Variants in ZC3H12B observed in about 807,000 individuals in gnomAD.
The protein encoded by ZC3H12B is probable ribonuclease ZC3H12B.
A neutral mutation model predicts 43.9 loss-of-function variants in ZC3H12B; 7 were observed. That is an observed-to-expected ratio of 0.16 (90% CI 0.09 to 0.30). The LOEUF is 0.30. Among genes scored for constraint, ZC3H12B ranks in the 10% least tolerant of loss-of-function variants. The pLI, the probability that ZC3H12B is intolerant of heterozygous loss-of-function variation, is 1.00. For missense variants in ZC3H12B, 475 were observed against 670.2 expected (o/e 0.71, Z 3.22); for synonymous variants, 222 against 241.7 (o/e 0.92, Z 0.76).
the ZC3H12B span, among the ~76,000 whole-genome samples, chrX:65,190,703 G>C: frequency 9.1e-6 from 1 of 109,793 alleles, no homozygotes; most frequent in Non-Finnish European, 1.9e-5. Context: ...TTTGGGCTGA[G>C]ACAATGGGGT....
the ZC3H12B span, among the ~76,000 whole-genome samples, chrX:65,355,707 A>G: frequency 8.9e-6 from 1 of 111,862 alleles, no homozygotes; most frequent in Non-Finnish European, 1.9e-5. Context: ...GCATGGTGGA[A>G]CATGCCTGTA....
At chrX:65,381,551 A>G (rs2066440037) in intron 2 of ZC3H12B, among the ~76,000 whole-genome samples, 1 of 111,556 alleles carries the variant, frequency 9.0e-6, no homozygotes, top group Non-Finnish European at 1.9e-5. Context: ...GAACTAGAAA[A>G]GCAAGAGCAA....
chrX:65,118,896 G>A, the ZC3H12B span, among the ~76,000 whole-genome samples: 5 of 105,175 alleles, frequency 4.8e-5, no homozygotes, highest in East Asian at 9.2e-4. Context: ...GAGAACATGC[G>A]GTGTTTGGTT....
the ZC3H12B span, among the ~76,000 whole-genome samples, chrX:65,044,447 A>G: frequency 1.8e-5 from 2 of 111,612 alleles, no homozygotes; most frequent in Admixed American, 1.9e-4. Context: ...GGAATTTGGG[A>G]TTTTATTCTA....
chrX:65,231,771 T>C, the ZC3H12B span, among the ~76,000 whole-genome samples: 12 of 111,790 alleles, frequency 1.1e-4, no homozygotes, highest in Admixed American at 4.8e-4. Context: ...TCTGTTCTTT[T>C]TCAGAGTTCA....
chrX:65,276,478 C>T, the ZC3H12B span, among the ~76,000 whole-genome samples: 9 of 111,216 alleles, frequency 8.1e-5, no homozygotes, highest in Admixed American at 1.9e-4. Context: ...AAGGGAATCT[C>T]CATTAGACTA....
intron 2 of ZC3H12B, among the ~76,000 whole-genome samples, chrX:65,374,138 T>C (rs1444847285): frequency 1.4e-4 from 11 of 76,119 alleles, no homozygotes; most frequent in African/African-American, 5.5e-4. Flanking sequence ...AGTGTATATA[T>C]AACTATATAT....
chrX:65,192,476 G>A, the ZC3H12B span, among the ~76,000 whole-genome samples: 44 of 111,423 alleles, frequency 3.9e-4, no homozygotes, highest in Non-Finnish European at 1.7e-4. Context: ...TATGATAGTA[G>A]CTGTGGGTCA....
intron 3 of ZC3H12B, among the ~76,000 whole-genome samples, chrX:65,409,024 G>A (rs947001383): frequency 3.6e-5 from 4 of 112,054 alleles, no homozygotes; most frequent in Non-Finnish European, 7.5e-5. Context: ...GAAAGTGAAT[G>A]TGTTCAAATG....
the ZC3H12B span, among the ~76,000 whole-genome samples, chrX:65,244,727 C>CAAAAAAAAAAAAA: frequency 3.4e-4 from 7 of 20,391 alleles, no homozygotes; most frequent in Non-Finnish European, 5.8e-4. Context: ...AATACCTTGC[C>CAAAAAAAAAAAAA]AAAAAAAAAA....
At chrX:65,465,375 A>G (rs2067803902) in intron 3 of ZC3H12B, among the ~76,000 whole-genome samples, 1 of 110,879 alleles carries the variant, frequency 9.0e-6, no homozygotes, top group African/African-American at 3.3e-5. Flanking sequence ...CTCTAGTAAC[A>G]TTTTTTTCTC....
chrX:65,286,347 AT>A, the ZC3H12B span, among the ~76,000 whole-genome samples: 1 of 111,804 alleles, frequency 8.9e-6, no homozygotes, highest in Non-Finnish European at 1.9e-5. Flanking sequence ...CTCACTGATT[AT>A]TGGGAGCTAA....
chrX:65,374,175 C>T (rs1335937489), intron 2 of ZC3H12B, among the ~76,000 whole-genome samples: 1 of 75,409 alleles, frequency 1.3e-5, no homozygotes, highest in Non-Finnish European at 2.3e-5. Flanking sequence ...GTTATATATA[C>T]ACTATATATA....
At chrX:65,080,064 C>A in the ZC3H12B span, among the ~76,000 whole-genome samples, 8 of 108,169 alleles carry the variant, frequency 7.4e-5, no homozygotes, top group African/African-American at 2.7e-4. Context: ...AATTCTGGAA[C>A]TAAAAAATTC....
chrX:65,232,304 G>T, the ZC3H12B span, among the ~76,000 whole-genome samples: 1 of 110,917 alleles, frequency 9.0e-6, no homozygotes, highest in Non-Finnish European at 1.9e-5. Context: ...ATTGATTCTG[G>T]GAACTAATAA....
the ZC3H12B span, among the ~76,000 whole-genome samples, chrX:65,229,567 C>A: frequency 9.0e-6 from 1 of 110,676 alleles, no homozygotes; most frequent in East Asian, 2.8e-4. Context: ...TTCTGCACAG[C>A]AAAAGAAACT....
chrX:65,470,130 A>G (rs1373490615), intron 3 of ZC3H12B: 1 of 116,084 alleles, frequency 8.6e-6, no homozygotes, highest in Non-Finnish European at 1.8e-5. Context: ...GGAGAAAAAC[A>G]TCGTTATTTG....
chrX:65,056,386 G>A, the ZC3H12B span, among the ~76,000 whole-genome samples: 1 of 111,716 alleles, frequency 9.0e-6, no homozygotes, highest in Non-Finnish European at 1.9e-5. Flanking sequence ...CAGTTTCCAT[G>A]TAGTTGAGCG....
chrX:65,383,489 C>A (rs1438692258), intron 2 of ZC3H12B, among the ~76,000 whole-genome samples: 1 of 111,786 alleles, frequency 8.9e-6, no homozygotes, highest in Non-Finnish European at 1.9e-5. Context: ...TGACCTAATA[C>A]CATAAAAACC....
Sources: allele counts gnomAD v4.1 joint callset (sites outside exome capture counted in the v4.1 genomes callset), GRCh38; gene constraint gnomAD v4.1.1; transcripts MANE v1.5; gene names NCBI Gene and HGNC (gene_info 2026-07-23, HGNC 2026-07-21).